RGS7: variants seen among roughly 807,000 people sequenced by gnomAD.
RGS7 encodes regulator of G-protein signaling 7.
Under a neutral mutation model 81.1 loss-of-function variants are expected in RGS7, and 27 were observed. The ratio of observed to expected loss-of-function variants is 0.33; its 90% CI spans 0.25 to 0.46. RGS7 has a LOEUF of 0.46. Among genes scored for constraint, RGS7 ranks in the 20% least tolerant of loss-of-function variants. RGS7 has a pLI of 1.00. For synonymous variants in RGS7, 208 were observed against 207.7 expected (o/e 1.00, Z -0.01); for missense variants, 396 against 607.4 (o/e 0.65, Z 3.66).
At chr1:240,907,834 G>T (rs1671071135) in intron 6 of RGS7, among the ~76,000 whole-genome samples, 2 of 152,170 alleles carry the variant, frequency 1.3e-5, no homozygotes, top group South Asian at 4.1e-4. Flanking sequence ...GTGAAACATG[G>T]CGTCTTGTCG....
intron 2 of RGS7, among the ~76,000 whole-genome samples, chr1:241,151,040 TTTCTATC>T (rs757811842): frequency 3.9e-5 from 6 of 152,116 alleles, no homozygotes; most frequent in Non-Finnish European, 8.8e-5. Flanking sequence ...CACCATTCTT[TTTCTATC>T]TGGGCCCCTA....
intron 3 of RGS7, among the ~76,000 whole-genome samples, chr1:241,010,929 C>T (rs1200266093): frequency 6.6e-6 from 1 of 152,126 alleles, no homozygotes; most frequent in Non-Finnish European, 1.5e-5. Context: ...AATATGGCCC[C>T]GTGCCTGGTA....
intron 2 of RGS7, among the ~76,000 whole-genome samples, chr1:241,287,809 C>T (rs1443430124): frequency 6.6e-6 from 1 of 152,086 alleles, no homozygotes; most frequent in Non-Finnish European, 1.5e-5. Flanking sequence ...TATGAGGAAT[C>T]AAGATCTTGC....
chr1:241,069,643 G>A (rs1037339836), intron 3 of RGS7, among the ~76,000 whole-genome samples: 5 of 152,182 alleles, frequency 3.3e-5, no homozygotes, highest in Admixed American at 2.6e-4. Flanking sequence ...TACTGAAATG[G>A]TAAACCATCC....
At chr1:240,949,936 G>A (rs906523454) in intron 4 of RGS7, among the ~76,000 whole-genome samples, 1 of 150,812 alleles carries the variant, frequency 6.6e-6, no homozygotes, top group Non-Finnish European at 1.5e-5. Context: ...TCATCCTTTC[G>A]ACAAAAGAAA....
intron 2 of RGS7, among the ~76,000 whole-genome samples, chr1:241,150,456 G>A (rs2068666120): frequency 6.6e-6 from 1 of 152,176 alleles, no homozygotes; most frequent in Non-Finnish European, 1.5e-5. Context: ...GAGTCCCTCA[G>A]TCATCTTGAG....
At chr1:241,314,509 A>C (rs920842022) in intron 2 of RGS7, among the ~76,000 whole-genome samples, 11 of 152,358 alleles carry the variant, frequency 7.2e-5, no homozygotes, top group African/African-American at 2.4e-4. Flanking sequence ...TAACTTTTAT[A>C]TGCACTCAGA....
intron 4 of RGS7, among the ~76,000 whole-genome samples, chr1:240,952,624 T>A (rs941714050): frequency 6.6e-6 from 1 of 151,944 alleles, no homozygotes; most frequent in South Asian, 2.1e-4. Context: ...AGAAAATGCA[T>A]GTTTTGTCCA....
chr1:241,327,080 G>GAGAA (rs75083243), intron 2 of RGS7, among the ~76,000 whole-genome samples: 1,913 of 49,266 alleles, frequency 0.039, 68 homozygotes, highest in East Asian at 0.05. Flanking sequence ...AAGGAAGGAA[G>GAGAA]AGAAAGAAAG....
chr1:241,096,553 C>T (rs910876395), intron 3 of RGS7, among the ~76,000 whole-genome samples: 4 of 152,148 alleles, frequency 2.6e-5, no homozygotes, highest in African/African-American at 7.2e-5. Context: ...CATTGATATT[C>T]TCTTTATTGA....
intron 18 of RGS7, among the ~76,000 whole-genome samples, chr1:240,794,212 T>TAA (rs1167397647): frequency 5.9e-5 from 9 of 152,080 alleles, no homozygotes; most frequent in Non-Finnish European, 1.3e-4. Context: ...AATATATATA[T>TAA]AATCTAGAAA....
At chr1:240,941,376 A>G (rs1463038890) in intron 4 of RGS7, among the ~76,000 whole-genome samples, 7 of 151,246 alleles carry the variant, frequency 4.6e-5, no homozygotes, top group Non-Finnish European at 7.4e-5. Flanking sequence ...AGCAGGATAA[A>G]TGCCTAGATG....
intron 2 of RGS7, among the ~76,000 whole-genome samples, chr1:241,160,155 G>C (rs1047271973): frequency 6.7e-6 from 1 of 150,246 alleles, no homozygotes; most frequent in African/African-American, 2.4e-5. Flanking sequence ...AAAAGAAATA[G>C]GGTTTTCATC....
chr1:240,879,285 T>C (rs1196728880), intron 6 of RGS7, among the ~76,000 whole-genome samples: 1 of 152,262 alleles, frequency 6.6e-6, no homozygotes, highest in African/African-American at 2.4e-5. Flanking sequence ...TTACCTTGGA[T>C]TATTTTTTAC....
At chr1:241,098,516 T>C in intron 3 of RGS7, 150 bp downstream of exon 3, 2 of 681,642 alleles carry the variant, frequency 2.9e-6, no homozygotes, top group South Asian at 1.6e-5. Context: ...TTCAAGTGTT[T>C]CACATGATAA....
At chr1:240,906,511 A>C (rs951634049) in intron 6 of RGS7, among the ~76,000 whole-genome samples, 1 of 152,180 alleles carries the variant, frequency 6.6e-6, no homozygotes, top group African/African-American at 2.4e-5. Context: ...CAAGCTAGAA[A>C]AACATGCCTA....
intron 2 of RGS7, among the ~76,000 whole-genome samples, chr1:241,123,391 T>C (rs1157817711): frequency 6.6e-6 from 1 of 152,154 alleles, no homozygotes; most frequent in Non-Finnish European, 1.5e-5. Context: ...CCATTCTAAT[T>C]ATGACCCACA....
At chr1:241,251,534 G>T (rs1049539259) in intron 2 of RGS7, among the ~76,000 whole-genome samples, 1 of 151,378 alleles carries the variant, frequency 6.6e-6, no homozygotes, top group African/African-American at 2.4e-5. Flanking sequence ...TTTCCAGATG[G>T]AGTCCTGCTC....
chr1:241,277,719 C>T (rs538465133), intron 2 of RGS7, among the ~76,000 whole-genome samples: 16 of 152,112 alleles, frequency 1.1e-4, no homozygotes, highest in African/African-American at 3.6e-4. Context: ...CGTCTCTAAC[C>T]ATCACTTGTG....
Sources: allele counts gnomAD v4.1 joint callset (sites outside exome capture counted in the v4.1 genomes callset), GRCh38; gene constraint gnomAD v4.1.1; transcripts MANE v1.5; gene names NCBI Gene and HGNC (gene_info 2026-07-23, HGNC 2026-07-21).